CBFA2T2: variants seen among roughly 807,000 people sequenced by gnomAD.
The protein encoded by CBFA2T2 is CBFA2/RUNX1 partner transcriptional co-repressor 2.
In CBFA2T2, 11 loss-of-function variants were observed where a neutral mutation model predicts 62.2. The ratio of observed to expected loss-of-function variants is 0.18; its 90% CI spans 0.11 to 0.29. The LOEUF (loss-of-function observed/expected upper bound fraction) is 0.29. CBFA2T2 is among the 10% of genes least tolerant of loss of function. The pLI is 1.00. For synonymous variants in CBFA2T2, 295 were observed against 287.5 expected (o/e 1.03, Z -0.27); for missense variants, 592 against 774.1 (o/e 0.76, Z 2.79).
chr20:33,555,071 C>T (rs1390834611), intron 1 of CBFA2T2, among the ~76,000 whole-genome samples: 2 of 152,108 alleles, frequency 1.3e-5, no homozygotes, highest in South Asian at 2.1e-4. Context: ...ATAGGCTGAA[C>T]GCTGTAGCAA....
chr20:33,511,753 G>A (rs933610772), intron 1 of CBFA2T2, among the ~76,000 whole-genome samples: 1 of 152,190 alleles, frequency 6.6e-6, no homozygotes, highest in African/African-American at 2.4e-5. Flanking sequence ...GCATGGTGGT[G>A]CATGCCTGTA....
chr20:33,503,731 CG>C (rs2011344794), intron 1 of CBFA2T2, among the ~76,000 whole-genome samples: 2 of 151,958 alleles, frequency 1.3e-5, no homozygotes, highest in African/African-American at 4.8e-5. Context: ...TATGTTGCCC[CG>C]GCTGGCCTCG....
At chr20:33,564,257 TTTTC>T (rs1377286921) in intron 1 of CBFA2T2, among the ~76,000 whole-genome samples, 1 of 148,622 alleles carries the variant, frequency 6.7e-6, no homozygotes, top group African/African-American at 2.6e-5. Flanking sequence ...ACTTTTTTCT[TTTTC>T]TTTCTTTTTT....
At chr20:33,623,435 C>A in intron 5 of CBFA2T2, 139 bp downstream of exon 5, 2 of 942,636 alleles carry the variant, frequency 2.1e-6, no homozygotes, top group Non-Finnish European at 1.6e-6. Flanking sequence ...CTCTGTCGCC[C>A]AGACTGGAGC....
chr20:33,619,487 G>T (rs775997948), intron 3 of CBFA2T2, 30 bp from the exon 4 acceptor site: 2 of 1,356,970 alleles, frequency 1.5e-6, no homozygotes, highest in South Asian at 1.4e-5. Context: ...TCCAGTTTTG[G>T]AAGTTGAACA....
chr20:33,619,709 A>G (rs966714738), intron 4 of CBFA2T2, 103 bp downstream of exon 4: 1 of 784,238 alleles, frequency 1.3e-6, no homozygotes, highest in Non-Finnish European at 2.0e-6. Flanking sequence ...ACGTTTTTAG[A>G]TCTTTATTTT....
intron 10 of CBFA2T2, among the ~76,000 whole-genome samples, chr20:33,641,079 C>T (rs2016818007): frequency 6.6e-6 from 1 of 151,988 alleles, no homozygotes; most frequent in Admixed American, 6.6e-5. Flanking sequence ...GTCCCCCAGG[C>T]TGGAGTGCAG....
At chr20:33,609,326 C>T (rs1409069702) in intron 2 of CBFA2T2, among the ~76,000 whole-genome samples, 2 of 152,042 alleles carry the variant, frequency 1.3e-5, no homozygotes, top group African/African-American at 2.4e-5. Flanking sequence ...CATGGTGAAA[C>T]CCTGTCTCTA....
At chr20:33,622,530 T>C (rs1421545505) in intron 4 of CBFA2T2, among the ~76,000 whole-genome samples, 1 of 152,262 alleles carries the variant, frequency 6.6e-6, no homozygotes, top group Admixed American at 6.5e-5. Context: ...GATTTGTTCC[T>C]ATTGCAGGTT....
intron 1 of CBFA2T2, among the ~76,000 whole-genome samples, chr20:33,492,496 T>G (rs2011155216): frequency 1.3e-5 from 2 of 151,468 alleles, no homozygotes; most frequent in African/African-American, 4.8e-5. Context: ...TTTGCTTCTG[T>G]TACGTAACTA....
chr20:33,510,881 G>T (rs2011499757), intron 1 of CBFA2T2, among the ~76,000 whole-genome samples: 1 of 152,204 alleles, frequency 6.6e-6, no homozygotes, highest in Admixed American at 6.5e-5. Flanking sequence ...TTTCTCTGAT[G>T]ACCAGTGTTG....
intron 1 of CBFA2T2, among the ~76,000 whole-genome samples, chr20:33,573,734 C>A (rs1223480899): frequency 1.3e-5 from 2 of 151,990 alleles, no homozygotes; most frequent in African/African-American, 4.8e-5. Flanking sequence ...CCCACCTCAG[C>A]CTCCCAAAGT....
chr20:33,638,016 T>A (rs1240540742), intron 9 of CBFA2T2, among the ~76,000 whole-genome samples: 1 of 125,954 alleles, frequency 7.9e-6, no homozygotes. Context: ...GCTCTGTTGC[T>A]CAGGCTGGAG....
intron 1 of CBFA2T2, among the ~76,000 whole-genome samples, chr20:33,530,908 C>A (rs1348424436): frequency 6.6e-6 from 1 of 152,094 alleles, no homozygotes; most frequent in Non-Finnish European, 1.5e-5. Flanking sequence ...TAGTGAAACC[C>A]CATCTCTACT....
intron 1 of CBFA2T2, among the ~76,000 whole-genome samples, chr20:33,529,966 T>C (rs948030473): frequency 1.3e-5 from 2 of 151,862 alleles, no homozygotes; most frequent in Non-Finnish European, 2.9e-5. Context: ...TTTGTATTTT[T>C]AGTGGCCACA....
At chr20:33,615,442 A>G (rs2015669282) in intron 3 of CBFA2T2, among the ~76,000 whole-genome samples, 1 of 152,186 alleles carries the variant, frequency 6.6e-6, no homozygotes, top group Non-Finnish European at 1.5e-5. Flanking sequence ...AATCAGTTCA[A>G]CATTAAGTAC....
At chr20:33,585,531 T>C (rs2014326924) in intron 1 of CBFA2T2, among the ~76,000 whole-genome samples, 1 of 152,220 alleles carries the variant, frequency 6.6e-6, no homozygotes, top group African/African-American at 2.4e-5. Context: ...TGTTCCACCG[T>C]TTAATTAACC....
intron 1 of CBFA2T2, among the ~76,000 whole-genome samples, chr20:33,550,652 C>T (rs964475157): frequency 7.0e-5 from 10 of 141,894 alleles, no homozygotes; most frequent in African/African-American, 2.4e-4. Context: ...GATGGAGTTT[C>T]GCTGTTTTCG....
intron 1 of CBFA2T2, among the ~76,000 whole-genome samples, chr20:33,562,118 T>C (rs1472699029): frequency 6.6e-6 from 1 of 152,198 alleles, no homozygotes; most frequent in Non-Finnish European, 1.5e-5. Flanking sequence ...ATTTGAATGT[T>C]CCCAAAAATG....
Sources: allele counts gnomAD v4.1 joint callset (sites outside exome capture counted in the v4.1 genomes callset), GRCh38; gene constraint gnomAD v4.1.1; transcripts MANE v1.5; gene names NCBI Gene and HGNC (gene_info 2026-07-23, HGNC 2026-07-21).